LYRM4: variants seen among roughly 807,000 people sequenced by gnomAD.
LYRM4 encodes LYR motif-containing protein 4.
In LYRM4, 9 loss-of-function variants were observed where a neutral mutation model predicts 11.7. The observed-to-expected ratio is 0.77, with a 90% CI of 0.46 to 1.34. The LOEUF (loss-of-function observed/expected upper bound fraction) is 1.34, where lower values mean the gene tolerates loss of function less well. LYRM4 is among the 40% of genes most tolerant of loss of function. The pLI, the probability that LYRM4 is intolerant of heterozygous loss-of-function variation, is 0.00. For synonymous variants in LYRM4, 42 were observed against 40.4 expected, an observed-to-expected ratio of 1.04 and a Z score of -0.15; for missense variants, 133 against 112.5, an observed-to-expected ratio of 1.18 and a Z score of -0.82.
intron 2 of LYRM4, among the ~76,000 whole-genome samples, chr6:5,114,724 C>T (rs1381824288): frequency 6.7e-6 from 1 of 149,844 alleles, no homozygotes; most frequent in Non-Finnish European, 1.5e-5. Context: ...CTAACACTAA[C>T]GAAAGCTGAT....
the LYRM4 span, among the ~76,000 whole-genome samples, chr6:5,048,290 G>GGTGTGTGTGT: frequency 3.1e-3 from 437 of 140,042 alleles, 5 homozygotes; most frequent in East Asian, 6.8e-3. Context: ...GACACTTTGT[G>GGTGTGTGTGT]GTGTGTGTGT....
At chr6:5,132,088 A>G (rs1763981241) in intron 2 of LYRM4, among the ~76,000 whole-genome samples, 1 of 152,204 alleles carries the variant, frequency 6.6e-6, no homozygotes, top group Non-Finnish European at 1.5e-5. Flanking sequence ...GGCCCACAGA[A>G]AAGAAAAAGG....
chr6:5,141,202 T>A (rs1473169475), intron 2 of LYRM4, among the ~76,000 whole-genome samples: 1 of 152,194 alleles, frequency 6.6e-6, no homozygotes, highest in East Asian at 1.9e-4. Flanking sequence ...GGGGGTGGTA[T>A]GTCTCAGGGT....
the LYRM4 span, among the ~76,000 whole-genome samples, chr6:5,092,205 A>G: frequency 6.6e-6 from 1 of 152,182 alleles, no homozygotes; most frequent in Non-Finnish European, 1.5e-5. Context: ...TGAGAATTTT[A>G]TGTTCCTGGG....
the LYRM4 span, chr6:5,066,303 C>T: frequency 8.3e-6 from 6 of 720,578 alleles, no homozygotes; most frequent in Non-Finnish European, 1.6e-5. Flanking sequence ...TACCAATAAA[C>T]ATATTTAGTT....
At chr6:5,195,008 T>C (rs1475044773) in intron 2 of LYRM4, among the ~76,000 whole-genome samples, 1 of 152,264 alleles carries the variant, frequency 6.6e-6, no homozygotes, top group African/African-American at 2.4e-5. Flanking sequence ...AGCAAGAAAC[T>C]GTTACACATA....
chr6:5,126,765 T>C (rs1165778596), intron 2 of LYRM4, among the ~76,000 whole-genome samples: 1 of 152,090 alleles, frequency 6.6e-6, no homozygotes, highest in Non-Finnish European at 1.5e-5. Context: ...TTATATGAAA[T>C]ATCCAGAACA....
the LYRM4 span, among the ~76,000 whole-genome samples, chr6:5,060,116 T>G: frequency 6.6e-6 from 1 of 152,258 alleles, no homozygotes; most frequent in South Asian, 2.1e-4. Flanking sequence ...TTCTGGTCTT[T>G]TCCTGTTACT....
intron 2 of LYRM4, among the ~76,000 whole-genome samples, chr6:5,130,416 C>T (rs56838333): frequency 0.12 from 18,356 of 152,240 alleles, 1,301 homozygotes; most frequent in South Asian, 0.32. Flanking sequence ...GACCTGGGAA[C>T]AGGGAGACTG....
At position 5,109,747 on chromosome 6, in the gene LYRM4, C is replaced by T. The variant is rs55723770; in HGVS notation, c.208-256G>A. Among the ~76,000 whole-genome samples the T allele has an allele frequency of 0.18, 27,432 of 152,118 alleles. 2,684 individuals are homozygous for T. Among genetic ancestry groups the T allele is most frequent in the African/African-American group, 0.24 (9,897 of 41,478 alleles). ...CAGCACAGGAGGCTGCAGCCTGGGA[C>T]TCGGGGCTGTGCTGAGCTGGGTGAC... On this transcript the variant is annotated intron_variant, in intron 2 of 2. Coordinates refer to ENST00000330636, the MANE Select transcript of LYRM4 (RefSeq NM_020408.6).
chr6:5,260,452 A>T (rs1486132876), intron 1 of LYRM4, among the ~76,000 whole-genome samples, 196 bp downstream of exon 1: 12 of 152,250 alleles, frequency 7.9e-5, no homozygotes, highest in Admixed American at 7.9e-4. Context: ...GTAGAAAGAA[A>T]GGCTCCTCCC....
At chr6:5,144,098 G>A in intron 2 of LYRM4, 1 of 1,518,646 alleles carries the variant, frequency 6.6e-7, no homozygotes, top group South Asian at 1.2e-5. Flanking sequence ...AGAGGTGAGA[G>A]CGATCTGATC....
chr6:5,223,772 C>T (rs1287792466), intron 1 of LYRM4, among the ~76,000 whole-genome samples: 1 of 152,148 alleles, frequency 6.6e-6, no homozygotes, highest in Non-Finnish European at 1.5e-5. Context: ...AAGAGGGCAA[C>T]CAATGGAGGC....
chr6:5,121,690 C>T (rs1247094118), intron 2 of LYRM4, among the ~76,000 whole-genome samples: 1 of 152,214 alleles, frequency 6.6e-6, no homozygotes, highest in African/African-American at 2.4e-5. Flanking sequence ...CCTGGGATGG[C>T]GACAACAGAG....
At chr6:5,224,330 C>G (rs931287723) in intron 1 of LYRM4, among the ~76,000 whole-genome samples, 4 of 152,164 alleles carry the variant, frequency 2.6e-5, no homozygotes, top group African/African-American at 9.7e-5. Flanking sequence ...CAGTCACAAT[C>G]AAACAAATGA....
the LYRM4 span, among the ~76,000 whole-genome samples, chr6:5,048,290 G>GTTGTGTGT: frequency 7.1e-6 from 1 of 139,968 alleles, no homozygotes; most frequent in Non-Finnish European, 1.6e-5. Context: ...GACACTTTGT[G>GTTGTGTGT]GTGTGTGTGT....
intron 2 of LYRM4, among the ~76,000 whole-genome samples, chr6:5,208,344 C>G (rs996465816): frequency 2.6e-5 from 4 of 152,232 alleles, no homozygotes; most frequent in Non-Finnish European, 5.9e-5. Context: ...TGTGCTTTCT[C>G]TGCCAGAGTT....
At chr6:5,222,696 TTAAAG>T (rs780589957) in intron 1 of LYRM4, among the ~76,000 whole-genome samples, 13 of 151,370 alleles carry the variant, frequency 8.6e-5, no homozygotes, top group Non-Finnish European at 1.6e-4. Context: ...AAGATGACTA[TTAAAG>T]TAAATTAAAA....
chr6:5,219,905 TAAC>T (rs1762487781), intron 1 of LYRM4, among the ~76,000 whole-genome samples: 1 of 152,064 alleles, frequency 6.6e-6, no homozygotes, highest in African/African-American at 2.4e-5. Context: ...CATGAAAAAC[TAAC>T]GCAGAAAGGG....
Sources: allele counts gnomAD v4.1 joint callset (sites outside exome capture counted in the v4.1 genomes callset), GRCh38; gene constraint gnomAD v4.1.1; transcripts MANE v1.5; gene names NCBI Gene and HGNC (gene_info 2026-07-23, HGNC 2026-07-21).